Variants in ITPR2 observed in about 807,000 individuals in gnomAD.
ITPR2 encodes inositol 1,4,5-trisphosphate-gated calcium channel ITPR2.
ITPR2 carries 207 observed loss-of-function variants against 317.1 expected under a neutral mutation model. The ratio of observed to expected loss-of-function variants is 0.65; its 90% CI spans 0.58 to 0.73. The LOEUF (loss-of-function observed/expected upper bound fraction) is 0.73, where lower values mean the gene tolerates loss of function less well. Ranked by LOEUF, ITPR2 falls within the 30% of genes least tolerant of loss-of-function variation. The pLI, the probability that ITPR2 is intolerant of heterozygous loss-of-function variation, is 0.00. For synonymous variants in ITPR2, 1,156 were observed against 1,149.1 expected, an observed-to-expected ratio of 1.01 and a Z score of -0.12; for missense variants, 2,613 against 3,284.0, an observed-to-expected ratio of 0.80 and a Z score of 4.99.
At chr12:26,592,171 T>C (rs1323811469) in intron 32 of ITPR2, among the ~76,000 whole-genome samples, 1 of 152,238 alleles carries the variant, frequency 6.6e-6, no homozygotes, top group African/African-American at 2.4e-5. Context: ...TTTTGCCTGT[T>C]CTCACTTATT....
intron 1 of ITPR2, among the ~76,000 whole-genome samples, chr12:26,820,511 A>G (rs1950923031): frequency 6.6e-6 from 1 of 152,200 alleles, no homozygotes; most frequent in Non-Finnish European, 1.5e-5. Flanking sequence ...TATTGTATGT[A>G]ATAAGATTAT....
chr12:26,563,814 A>G (rs1354108488), intron 34 of ITPR2, among the ~76,000 whole-genome samples: 2 of 152,198 alleles, frequency 1.3e-5, no homozygotes, highest in African/African-American at 4.8e-5. Context: ...TGTCATTTAT[A>G]CAAGAATTCT....
chr12:26,433,745 G>GT lies in ITPR2; in HGVS notation c.6769+2475dup, dbSNP rs537247372. Reference sequence around the variant, plus strand: ...AGACGACCCAGGGAATTCTGAGTGGGTATCTATTTAGCTGGACTGAGGTAG... The same window carrying GT: ...AGACGACCCAGGGAATTCTGAGTGGGTTATCTATTTAGCTGGACTGAGGTAG... On this transcript the variant is annotated intron_variant, in intron 48 of 56. Transcript: ENST00000381340. Among the ~76,000 whole-genome samples, 1,360 of 152,200 alleles carry GT rather than the reference G, an allele frequency of 8.9e-3. 11 individuals carry two copies. The highest frequency in any genetic ancestry group is 0.011 in the Non-Finnish European group (771 of 68,006).
intron 1 of ITPR2, among the ~76,000 whole-genome samples, chr12:26,811,578 T>A (rs575589106): frequency 6.6e-6 from 1 of 150,938 alleles, no homozygotes; most frequent in South Asian, 2.1e-4. Flanking sequence ...TCCCAGCTAC[T>A]CGGGAGGGTG....
intron 37 of ITPR2, among the ~76,000 whole-genome samples, chr12:26,507,958 A>G (rs1943235914): frequency 2.0e-5 from 3 of 151,930 alleles, no homozygotes; most frequent in African/African-American, 7.3e-5. Context: ...ATATTGATGC[A>G]TATTTGTAAA....
intron 22 of ITPR2, 58 bp from the exon 23 acceptor site, chr12:26,628,220 G>T: frequency 7.3e-7 from 1 of 1,376,916 alleles, no homozygotes; most frequent in Non-Finnish European, 1.0e-6. Context: ...ATTTAAAAAT[G>T]CAATTCACAA....
At chr12:26,616,289 C>G (rs1242715961) in intron 26 of ITPR2, among the ~76,000 whole-genome samples, 1 of 152,014 alleles carries the variant, frequency 6.6e-6, no homozygotes, top group Non-Finnish European at 1.5e-5. Flanking sequence ...AGGCACCCAC[C>G]ACCACACCCA....
Position 26,832,980 on chromosome 12 carries a change from G to A in ITPR2, c.-199C>T, listed in dbSNP as rs1384833170. The A allele has an allele frequency of 3.8e-6, 2 of 528,466 alleles. No individual in the cohort carries two copies. The highest frequency in any genetic ancestry group is 3.3e-6 in the Non-Finnish European group (1 of 306,510). The allele number at this position is 528,466 out of a possible 1,614,324, so 32.7% of individuals were successfully genotyped here. A position where few individuals can be genotyped will look rare whatever the true frequency, so the allele number is the denominator to read the frequency against. Reference sequence around the variant, plus strand: ...GCCGGGGAAGCCAGACCGGGGCCAAGCCGCAGCTGCGGACACCCCGCGAAG... The same window carrying A: ...GCCGGGGAAGCCAGACCGGGGCCAAACCGCAGCTGCGGACACCCCGCGAAG... On this transcript the variant is annotated 5_prime_UTR_variant, in exon 1 of 57. Coordinates refer to ENST00000381340, the MANE Select transcript of ITPR2 (RefSeq NM_002223.4).
At chr12:26,659,085 A>C (rs747264302) in intron 16 of ITPR2, 28 bp downstream of exon 16, 1 of 1,572,320 alleles carries the variant, frequency 6.4e-7, no homozygotes. Context: ...CTCCACTAGA[A>C]AAGAATACCG....
At chr12:26,377,023 C>T (rs1939367038) in intron 55 of ITPR2, among the ~76,000 whole-genome samples, 1 of 152,170 alleles carries the variant, frequency 6.6e-6, no homozygotes, top group Non-Finnish European at 1.5e-5. Context: ...GCCACCATGC[C>T]CGGCCCAGGA....
chr12:26,709,090 T>A (rs898569981), intron 9 of ITPR2, among the ~76,000 whole-genome samples: 1 of 152,116 alleles, frequency 6.6e-6, no homozygotes, highest in Non-Finnish European at 1.5e-5. Context: ...TCCTGAGACA[T>A]GAGCACACCA....
intron 37 of ITPR2, among the ~76,000 whole-genome samples, chr12:26,501,262 C>T (rs553468997): frequency 1.7e-3 from 262 of 152,194 alleles, no homozygotes; most frequent in African/African-American, 5.9e-3. Flanking sequence ...AGTAACAATA[C>T]GTCTGATTAG....
chr12:26,419,336 T>C, intron 49 of ITPR2, 123 bp from the exon 50 acceptor site: 1 of 782,138 alleles, frequency 1.3e-6, no homozygotes, highest in Non-Finnish European at 1.9e-6. Context: ...TTAAAATCTA[T>C]GACTTTTTGA....
At chr12:26,698,966 AATTT>A (rs1565701566) in intron 9 of ITPR2, among the ~76,000 whole-genome samples, 1 of 151,534 alleles carries the variant, frequency 6.6e-6, no homozygotes, top group Non-Finnish European at 1.5e-5. Flanking sequence ...CTTTTTTAAA[AATTT>A]ATTTGTCTTC....
intron 28 of ITPR2, among the ~76,000 whole-genome samples, chr12:26,600,972 C>T (rs1202965092): frequency 6.6e-6 from 1 of 151,770 alleles, no homozygotes; most frequent in East Asian, 1.9e-4. Context: ...TTTTTGTCCC[C>T]CTCTTTCTTA....
chr12:26,620,193 TAA>T (rs1946460978), intron 26 of ITPR2, among the ~76,000 whole-genome samples: 1 of 152,174 alleles, frequency 6.6e-6, no homozygotes, highest in Non-Finnish European at 1.5e-5. Flanking sequence ...AAAAGGGAAA[TAA>T]AGGGCATCTA....
chr12:26,799,891 T>C (rs1313675883), intron 1 of ITPR2, among the ~76,000 whole-genome samples: 1 of 152,236 alleles, frequency 6.6e-6, no homozygotes, highest in Non-Finnish European at 1.5e-5. Context: ...CCTTAACTAC[T>C]ACCAGTTCTC....
intron 21 of ITPR2, among the ~76,000 whole-genome samples, chr12:26,641,143 A>T (rs569637715): frequency 2.0e-5 from 3 of 152,180 alleles, no homozygotes; most frequent in Admixed American, 6.5e-5. Flanking sequence ...ACTTAGCTTC[A>T]AGAGATCTTT....
chr12:26,466,493 C>A (rs1942174204), intron 45 of ITPR2, among the ~76,000 whole-genome samples: 1 of 152,172 alleles, frequency 6.6e-6, no homozygotes, highest in Non-Finnish European at 1.5e-5. Flanking sequence ...TAATTATACA[C>A]ATGCATTTCT....
Sources: allele counts gnomAD v4.1 joint callset (sites outside exome capture counted in the v4.1 genomes callset), GRCh38; gene constraint gnomAD v4.1.1; transcripts MANE v1.5; gene names NCBI Gene and HGNC (gene_info 2026-07-23, HGNC 2026-07-21).